COL15A1: variants seen among roughly 807,000 people sequenced by gnomAD.
The protein encoded by COL15A1 is collagen type XV alpha 1 chain, also known as collagen alpha-1(XV) chain.
Under a neutral mutation model 165.9 loss-of-function variants are expected in COL15A1, and 111 were observed. The ratio of observed to expected loss-of-function variants is 0.67; its 90% CI spans 0.57 to 0.78. The LOEUF is 0.78. Ranked by LOEUF, COL15A1 falls within the 30% of genes least tolerant of loss-of-function variation. COL15A1 has a pLI of 0.00. For missense variants in COL15A1, 1,745 were observed against 1,789.7 expected, an observed-to-expected ratio of 0.98 and a Z score of 0.45; for synonymous variants, 659 against 674.8, an observed-to-expected ratio of 0.98 and a Z score of 0.36.
chr9:99,024,543 C>G (rs183274622), intron 14 of COL15A1, among the ~76,000 whole-genome samples: 1 of 152,112 alleles, frequency 6.6e-6, no homozygotes, highest in African/African-American at 2.4e-5. Flanking sequence ...ACTGACCTCA[C>G]AGTTAATCAG....
intron 2 of COL15A1, among the ~76,000 whole-genome samples, chr9:98,961,170 T>A (rs1837859752): frequency 6.6e-6 from 1 of 152,242 alleles, no homozygotes; most frequent in Non-Finnish European, 1.5e-5. Context: ...ATGTAATATG[T>A]ATTGACTGTT....
intron 31 of COL15A1, among the ~76,000 whole-genome samples, chr9:99,053,981 C>G (rs115799027): frequency 0.011 from 1,735 of 152,340 alleles, 23 homozygotes; most frequent in African/African-American, 0.037. Context: ...TCCATGCCCC[C>G]TCCCATATAA....
At position 99,053,664 on chromosome 9, in the gene COL15A1, T is replaced by C. The variant is rs1043508831; in HGVS notation, c.2951-912T>C. On this transcript the variant is annotated intron_variant, in intron 31 of 41. Coordinates refer to ENST00000375001, the MANE Select transcript of COL15A1 (RefSeq NM_001855.5). ...CCCATGGGCCCCACTGCGCAGGTCATTGGTCTCACACAGCATTCCCAGGGT... is the reference window on the plus strand; with the variant it reads ...CCCATGGGCCCCACTGCGCAGGTCACTGGTCTCACACAGCATTCCCAGGGT... Among the ~76,000 whole-genome samples, 21 of 152,214 alleles carry C rather than the reference T, an allele frequency of 1.4e-4. 1 individual carries two copies. The South Asian group carries it at 1.9e-3, about 14-fold the overall frequency.
At chr9:98,998,091 A>G (rs1838579756) in intron 6 of COL15A1, among the ~76,000 whole-genome samples, 1 of 152,240 alleles carries the variant, frequency 6.6e-6, no homozygotes, top group South Asian at 2.1e-4. Context: ...CTAATTTTGA[A>G]TATATGTTAT....
At chr9:99,031,528 G>C (rs1839213178) in intron 16 of COL15A1, among the ~76,000 whole-genome samples, 1 of 152,194 alleles carries the variant, frequency 6.6e-6, no homozygotes, top group Admixed American at 6.5e-5. Flanking sequence ...TTGCGTGGGG[G>C]TTGCCTATTG....
intron 9 of COL15A1, among the ~76,000 whole-genome samples, chr9:99,008,507 C>G (rs1425834795): frequency 6.6e-6 from 1 of 152,216 alleles, no homozygotes; most frequent in Non-Finnish European, 1.5e-5. Flanking sequence ...ATCACACTTA[C>G]ACAAATAACT....
intron 21 of COL15A1, among the ~76,000 whole-genome samples, chr9:99,038,127 T>G (rs1839335691): frequency 6.6e-6 from 1 of 150,562 alleles, no homozygotes; most frequent in Non-Finnish European, 1.5e-5. Flanking sequence ...AAAAACACGA[T>G]TTTTAAAAAT....
At chr9:98,972,309 C>G (rs1838071945) in intron 2 of COL15A1, among the ~76,000 whole-genome samples, 1 of 152,006 alleles carries the variant, frequency 6.6e-6, no homozygotes, top group Non-Finnish European at 1.5e-5. Flanking sequence ...GCAGGCAAGA[C>G]CCTGAAAGAC....
chr9:99,004,881 G>A lies in COL15A1; in HGVS notation c.1201-17G>A. 6.2e-7 allele frequency: 1 copy of A among 1,613,962 alleles called. No homozygotes were observed. Among genetic ancestry groups the A allele is most frequent in the Non-Finnish European group, 8.5e-7 (1 of 1,179,866 alleles). On this transcript the variant is annotated splice_polypyrimidine_tract_variant and intron_variant, in intron 8 of 41. Transcript: ENST00000375001. ...ATCATGGGGCACTGACGCGGTTCCT[G>A]TTGACTTTCTATTCAGGGTCCAGAT...
intron 4 of COL15A1, among the ~76,000 whole-genome samples, chr9:98,988,551 G>A (rs950828141): frequency 6.6e-6 from 1 of 152,284 alleles, no homozygotes; most frequent in African/African-American, 2.4e-5. Flanking sequence ...GACCTGGATC[G>A]AATGAAAGTA....
rs148187251 is a variant in COL15A1, at chr9:99,002,226, C to T, written c.1066-1227C>T. On this transcript the variant is annotated intron_variant, in intron 7 of 41. Transcript: ENST00000375001. ...CTTTTCTCTTTCTCCCTCACCTCCC[C>T]CTCCTCTCCTCTCCCCTTCCCCTCT... Among the ~76,000 whole-genome samples, 38 of 150,038 alleles carry T rather than the reference C, an allele frequency of 2.5e-4. No individual in the cohort carries two copies. The East Asian group carries it at 7.7e-3, about 30-fold the overall frequency.
chr9:99,007,054 A>C (rs1051390338), intron 9 of COL15A1, among the ~76,000 whole-genome samples: 1 of 152,184 alleles, frequency 6.6e-6, no homozygotes, highest in Non-Finnish European at 1.5e-5. Context: ...TAAGGTGTAC[A>C]TTGGTTCAGT....
chr9:99,051,774 G>T (rs978326502), intron 30 of COL15A1, among the ~76,000 whole-genome samples: 2 of 152,164 alleles, frequency 1.3e-5, no homozygotes, highest in African/African-American at 4.8e-5. Context: ...GTTTCAAGTG[G>T]CTTTGTCTGA....
Position 99,056,369 on chromosome 9 carries a change from C to T in COL15A1, c.3302C>T (p.Pro1101Leu), listed in dbSNP as rs759104758. Reference sequence around the variant, plus strand: ...GGTGATCCTGGGCCACCGGGGCCCCCGGGGCCACCAGGACCTCCAGCTATC... The same window carrying T: ...GGTGATCCTGGGCCACCGGGGCCCCTGGGGCCACCAGGACCTCCAGCTATC... ...RPGDPGPPGPPGPPGPPAILG... is the reference protein window; with the variant it reads ...RPGDPGPPGPLGPPGPPAILG... Residue 1101 changes from proline (P) to leucine (L), a missense_variant, in exon 35 of 42, where the codon CCG becomes CTG. Transcript: ENST00000375001. The T allele has an allele frequency of 1.9e-5, 31 of 1,612,686 alleles. No homozygotes were observed. The highest frequency in any genetic ancestry group is 1.1e-4 in the African/African-American group (8 of 74,868).
At chr9:98,983,215 G>T (rs946050138) in intron 2 of COL15A1, among the ~76,000 whole-genome samples, 40 of 152,290 alleles carry the variant, frequency 2.6e-4, no homozygotes, top group African/African-American at 9.4e-4. Context: ...TGAGATGGGG[G>T]CATGGCAGTC....
intron 32 of COL15A1, 131 bp from the exon 33 acceptor site, chr9:99,054,971 G>A: frequency 1.2e-6 from 1 of 833,214 alleles, no homozygotes; most frequent in South Asian, 1.5e-5. Context: ...CTGCTTCCAA[G>A]CAGACTCTGT....
chr9:98,997,093 T>A lies in COL15A1; in HGVS notation c.952+12T>A. The A allele has an allele frequency of 1.9e-6, 3 of 1,614,146 alleles. No homozygotes were observed. The highest frequency in any genetic ancestry group is 2.5e-6 in the Non-Finnish European group (3 of 1,179,994). On this transcript the variant is annotated intron_variant, in intron 6 of 41. Transcript: ENST00000375001. ...CAGCCCCAAACAAGGCAAGTCCGGA[T>A]GCACATGCCTACGTAGTGGCCTTTT...
At chr9:99,002,831 C>T (rs1838684544) in intron 7 of COL15A1, among the ~76,000 whole-genome samples, 1 of 152,318 alleles carries the variant, frequency 6.6e-6, no homozygotes, top group Non-Finnish European at 1.5e-5. Flanking sequence ...TTTGATTAGC[C>T]TGGTGTTTTT....
At chr9:99,027,897 G>T (rs1564067532) in intron 16 of COL15A1, among the ~76,000 whole-genome samples, 1 of 152,244 alleles carries the variant, frequency 6.6e-6, no homozygotes, top group South Asian at 2.1e-4. Context: ...ATAAACCAAG[G>T]TGCATATTCA....
Sources: allele counts gnomAD v4.1 joint callset (sites outside exome capture counted in the v4.1 genomes callset), GRCh38; gene constraint gnomAD v4.1.1; transcripts MANE v1.5; gene names NCBI Gene and HGNC (gene_info 2026-07-23, HGNC 2026-07-21).